PIK3C2G: variants seen among roughly 807,000 people sequenced by gnomAD.
PIK3C2G encodes phosphatidylinositol-4-phosphate 3-kinase catalytic subunit type 2 gamma, also known as phosphatidylinositol 3-kinase C2 domain-containing subunit gamma.
A neutral mutation model predicts 181.1 loss-of-function variants in PIK3C2G; 168 were observed. The observed-to-expected ratio is 0.93, with a 90% CI of 0.82 to 1.05. The LOEUF is 1.05. Among genes scored for constraint, PIK3C2G ranks in the 50% least tolerant of loss-of-function variants. The probability of loss-of-function intolerance (pLI) is 0.00; values close to 1 mark genes in which losing one functional copy is unlikely to be tolerated. For synonymous variants in PIK3C2G, 573 were observed against 592.2 expected (o/e 0.97, Z 0.47); for missense variants, 1,869 against 1,732.8 (o/e 1.08, Z -1.40).
chr12:18,702,136 G>A, the PIK3C2G span, among the ~76,000 whole-genome samples: 48 of 151,750 alleles, frequency 3.2e-4, no homozygotes, highest in Non-Finnish European at 5.2e-4. Flanking sequence ...GGTAGTAAAC[G>A]CTTCAGCTCA....
chr12:18,548,491 T>G (rs1476912517), intron 26 of PIK3C2G, among the ~76,000 whole-genome samples: 1 of 152,002 alleles, frequency 6.6e-6, no homozygotes, highest in Non-Finnish European at 1.5e-5. Flanking sequence ...CTCTACTTCA[T>G]GCAACACACT....
downstream of PIK3C2G, among the ~76,000 whole-genome samples, chr12:18,650,702 G>GTATATA (rs1950442587): frequency 1.8e-4 from 5 of 27,690 alleles, no homozygotes; most frequent in East Asian, 6.4e-3. Context: ...GTGTGTGTGT[G>GTATATA]TGTATATATC....
At chr12:18,668,499 C>T in the PIK3C2G span, among the ~76,000 whole-genome samples, 2 of 152,160 alleles carry the variant, frequency 1.3e-5, no homozygotes, top group East Asian at 1.9e-4. Context: ...ACCTGCCTGC[C>T]GTCTACTACA....
chr12:18,578,058 T>C (rs1401725534), intron 29 of PIK3C2G, among the ~76,000 whole-genome samples: 3 of 152,178 alleles, frequency 2.0e-5, no homozygotes, highest in African/African-American at 7.2e-5. Flanking sequence ...AAAGGGATTG[T>C]TCAGAGCCCC....
chr12:18,320,489 G>A (rs1951060564), intron 6 of PIK3C2G, among the ~76,000 whole-genome samples: 1 of 152,218 alleles, frequency 6.6e-6, no homozygotes, highest in Non-Finnish European at 1.5e-5. Context: ...CTCATGGAAT[G>A]GAAAACTCTC....
chr12:18,616,064 T>A (rs1471230615), intron 31 of PIK3C2G, among the ~76,000 whole-genome samples: 2 of 152,060 alleles, frequency 1.3e-5, no homozygotes, highest in Non-Finnish European at 2.9e-5. Flanking sequence ...ACTGTTTATA[T>A]CCAATGTAAT....
chr12:18,488,358 A>T, intron 18 of PIK3C2G, 91 bp from the exon 19 acceptor site: 1 of 757,764 alleles, frequency 1.3e-6, no homozygotes, highest in South Asian at 3.2e-5. Flanking sequence ...CCAAATACAG[A>T]TTAGTTTGAA....
intron 16 of PIK3C2G, among the ~76,000 whole-genome samples, chr12:18,415,513 T>C (rs1362668757): frequency 6.6e-6 from 1 of 152,158 alleles, no homozygotes; most frequent in Non-Finnish European, 1.5e-5. Flanking sequence ...CCTACAATAT[T>C]GAAACTAGGC....
intron 8 of PIK3C2G, among the ~76,000 whole-genome samples, chr12:18,336,809 T>C (rs1938584789): frequency 6.6e-6 from 1 of 152,270 alleles, no homozygotes. Flanking sequence ...TCTTTTATAG[T>C]ATTAATTAGT....
chr12:18,256,496 G>A (rs370816255), intron 1 of PIK3C2G, among the ~76,000 whole-genome samples: 387 of 152,154 alleles, frequency 2.5e-3, no homozygotes, highest in African/African-American at 7.6e-3. Context: ...CCTAACCTTC[G>A]AAACTATAAA....
chr12:18,671,187 T>TAA, the PIK3C2G span, among the ~76,000 whole-genome samples: 471 of 134,100 alleles, frequency 3.5e-3, 3 homozygotes, highest in African/African-American at 9.4e-3. Flanking sequence ...AGACTCCATC[T>TAA]AAAAAAAAAA....
chr12:18,598,368 T>C (rs866313622), intron 30 of PIK3C2G, among the ~76,000 whole-genome samples: 4,039 of 151,602 alleles, frequency 0.027, 180 homozygotes, highest in African/African-American at 0.093. Flanking sequence ...ATCTGATCTT[T>C]GACAAACCTG....
chr12:18,652,979 G>A (rs1199819879), downstream of PIK3C2G, among the ~76,000 whole-genome samples: 1 of 151,986 alleles, frequency 6.6e-6, no homozygotes, highest in Non-Finnish European at 1.5e-5. Flanking sequence ...GCTAAGTGAG[G>A]ATGAGGGAGC....
chr12:18,654,311 A>AG, the PIK3C2G span, among the ~76,000 whole-genome samples: 23 of 149,264 alleles, frequency 1.5e-4, no homozygotes, highest in Non-Finnish European at 2.8e-4. Flanking sequence ...AAAAAAAAAA[A>AG]TCTATCAGAT....
At chr12:18,688,574 T>C in the PIK3C2G span, among the ~76,000 whole-genome samples, 1 of 151,170 alleles carries the variant, frequency 6.6e-6, no homozygotes, top group African/African-American at 2.4e-5. Context: ...ATATATATGC[T>C]GGAAAAAATT....
At chr12:18,700,748 A>G in the PIK3C2G span, among the ~76,000 whole-genome samples, 5 of 152,104 alleles carry the variant, frequency 3.3e-5, no homozygotes, top group Admixed American at 3.3e-4. Flanking sequence ...ATGTAGGCCA[A>G]TTAATTAATT....
intron 18 of PIK3C2G, among the ~76,000 whole-genome samples, chr12:18,487,410 T>C (rs1940161547): frequency 6.6e-6 from 1 of 152,002 alleles, no homozygotes; most frequent in African/African-American, 2.4e-5. Context: ...ATAAAACACA[T>C]CTATATATTT....
At chr12:18,313,489 C>T (rs147806443) in intron 5 of PIK3C2G, among the ~76,000 whole-genome samples, 7 of 152,118 alleles carry the variant, frequency 4.6e-5, no homozygotes, top group Non-Finnish European at 7.4e-5. Flanking sequence ...CTCTAAAGCT[C>T]GTGACATTTT....
At chr12:18,518,765 T>C (rs1942723335) in intron 24 of PIK3C2G, among the ~76,000 whole-genome samples, 1 of 152,158 alleles carries the variant, frequency 6.6e-6, no homozygotes, top group Non-Finnish European at 1.5e-5. Flanking sequence ...ATTCTTGTCT[T>C]CTAGCTTTTT....
Sources: gnomAD v4.1 joint callset for allele counts (sites outside exome capture counted in the v4.1 genomes callset) on GRCh38, gnomAD v4.1.1 for gene constraint, MANE v1.5 for transcripts, NCBI Gene and HGNC (gene_info 2026-07-23, HGNC 2026-07-21) for gene names.